MCF2: variants seen among roughly 807,000 people sequenced by gnomAD.
MCF2 encodes MCF.2 cell line derived transforming sequence.
MCF2 carries 44 observed loss-of-function variants against 82.5 expected under a neutral mutation model. That is an observed-to-expected ratio of 0.53 (90% confidence interval 0.42 to 0.69). The LOEUF (loss-of-function observed/expected upper bound fraction) is 0.69. MCF2 is among the 30% of genes least tolerant of loss of function. The pLI is 0.00. For synonymous variants in MCF2, 217 were observed against 224.9 expected, an observed-to-expected ratio of 0.96 and a Z score of 0.32; for missense variants, 623 against 663.1, an observed-to-expected ratio of 0.94 and a Z score of 0.66.
At chrX:139,622,245 G>A (rs1470864523) in intron 6 of MCF2, among the ~76,000 whole-genome samples, 1 of 111,654 alleles carries the variant, frequency 9.0e-6, no homozygotes, top group African/African-American at 3.3e-5. Context: ...TGCTGGAGAG[G>A]ATGTGGAGAA....
intron 17 of MCF2, among the ~76,000 whole-genome samples, chrX:139,598,125 A>G (rs1167473257): frequency 1.8e-5 from 2 of 111,956 alleles, no homozygotes; most frequent in Non-Finnish European, 3.8e-5. Context: ...TCTTACTAAT[A>G]TTTAAAGTTC....
At chrX:139,623,036 C>T (rs1405886803) in intron 6 of MCF2, among the ~76,000 whole-genome samples, 5 of 110,900 alleles carry the variant, frequency 4.5e-5, no homozygotes, top group Non-Finnish European at 9.4e-5. Context: ...AATGAGATAA[C>T]ATATCACATC....
At chrX:139,609,619 T>C (rs192160549) in intron 11 of MCF2, among the ~76,000 whole-genome samples, 33 of 110,979 alleles carry the variant, frequency 3.0e-4, no homozygotes, top group Non-Finnish European at 6.0e-4. Flanking sequence ...TCTTTACAGA[T>C]ATCAGATTAT....
chrX:139,643,879 G>A (rs931207713), upstream of MCF2, among the ~76,000 whole-genome samples: 1 of 111,775 alleles, frequency 8.9e-6, no homozygotes, highest in African/African-American at 3.2e-5. Flanking sequence ...TGCCAAACCA[G>A]TCACAAAATG....
exon 24 of MCF2, chrX:139,585,141 T>C: frequency 8.3e-7 from 1 of 1,203,767 alleles, no homozygotes; most frequent in Non-Finnish European, 1.1e-6. Flanking sequence ...CCGCAGGTTC[T>C]TCAGAGATTT....
intron 1 of MCF2, 41 bp from the exon 5 acceptor site, chrX:139,632,495 T>C: frequency 5.2e-6 from 6 of 1,144,183 alleles, no homozygotes; most frequent in Non-Finnish European, 7.1e-6. Context: ...AAAAAAATTG[T>C]CAACACACAC....
chrX:139,617,578 T>C, exon 8 of MCF2: 1 of 1,202,562 alleles, frequency 8.3e-7, no homozygotes, highest in Non-Finnish European at 1.1e-6. Flanking sequence ...TTTATCTCAT[T>C]AACCAAAATA....
chrX:139,610,947 A>G (rs1220691406), intron 10 of MCF2, among the ~76,000 whole-genome samples: 1 of 112,284 alleles, frequency 8.9e-6, no homozygotes, highest in Admixed American at 9.5e-5. Context: ...TAACCACCAT[A>G]TAAACATTTC....
exon 3 of MCF2, chrX:139,631,481 G>T (rs1159424636): frequency 8.3e-7 from 1 of 1,202,037 alleles, no homozygotes; most frequent in Admixed American, 2.2e-5. Context: ...ATGTATGTCA[G>T]CAAATCACTA....
rs371299468 is a variant in MCF2, at chrX:139,585,107, G to A, written c.2704C>T (p.Pro902Ser). ...TCTTCTTCATTTTCATCATAAGTAG[G>A]GTAGAAATAGTTGCTTGACCATTCC... The change falls in exon 24 of 25, where the codon CCT (proline) becomes TCT (serine). Residue 902 changes from proline to serine, a missense_variant. Pro to Ser is a moderately conservative substitution (Grantham distance 74). Coordinates refer to ENST00000370576, the Ensembl canonical transcript of MCF2. The A allele has an allele frequency of 4.2e-6, 5 of 1,201,894 alleles. No individual in the cohort carries two copies. In the African/African-American group the frequency reaches 8.8e-5, roughly 21 times the overall value.
intron 1 of MCF2, among the ~76,000 whole-genome samples, chrX:139,689,668 G>C (rs1204846258): frequency 9.4e-6 from 1 of 106,737 alleles, no homozygotes; most frequent in Non-Finnish European, 1.9e-5. Flanking sequence ...TCCTTGCCTG[G>C]AATACCATTC....
chrX:139,663,068 T>C (rs1934400284), intron 1 of MCF2, among the ~76,000 whole-genome samples: 1 of 112,494 alleles, frequency 8.9e-6, no homozygotes, highest in Non-Finnish European at 1.9e-5. Flanking sequence ...GTTGATTCCA[T>C]ATTTTTCTAT....
intron 23 of MCF2, among the ~76,000 whole-genome samples, chrX:139,585,639 G>A (rs1041143485): frequency 2.7e-5 from 3 of 111,950 alleles, no homozygotes; most frequent in African/African-American, 6.5e-5. Flanking sequence ...TGATCCTAGA[G>A]TTGTTTAGGT....
chrX:139,589,950 T>G, intron 19 of MCF2, 23 bp from the exon 24 acceptor site: 1 of 923,629 alleles, frequency 1.1e-6, no homozygotes, highest in Non-Finnish European at 1.5e-6. Flanking sequence ...AGTCAAAATT[T>G]TCATGAGCAT....
intron 1 of MCF2, among the ~76,000 whole-genome samples, chrX:139,635,677 T>C (rs1225302165): frequency 9.0e-6 from 1 of 111,521 alleles, no homozygotes; most frequent in Non-Finnish European, 1.9e-5. Flanking sequence ...ATATATATGT[T>C]TTCCAGTTAT....
intron 1 of MCF2, among the ~76,000 whole-genome samples, chrX:139,636,200 T>C (rs1251255316): frequency 1.8e-5 from 2 of 111,015 alleles, no homozygotes; most frequent in Admixed American, 9.6e-5. Context: ...GTGGGAACTT[T>C]TGGCCTATTT....
chrX:139,695,485 A>G (rs753223772), intron 1 of MCF2, among the ~76,000 whole-genome samples: 2 of 112,330 alleles, frequency 1.8e-5, no homozygotes, highest in South Asian at 3.7e-4. Flanking sequence ...AATATGTAGT[A>G]TAATTTCAAC....
intron 19 of MCF2, among the ~76,000 whole-genome samples, chrX:139,594,657 T>C (rs1287946930): frequency 3.6e-5 from 4 of 110,535 alleles, no homozygotes; most frequent in Non-Finnish European, 7.6e-5. Flanking sequence ...ATTCAGGACA[T>C]AGGCATGGGC....
At chrX:139,598,382 C>A (rs781760872) in intron 17 of MCF2, 24 bp downstream of exon 21, 2 of 1,016,830 alleles carry the variant, frequency 2.0e-6, no homozygotes, top group East Asian at 3.1e-5. Context: ...AGTAAAGAAA[C>A]AAACAAATGC....
Sources: allele counts gnomAD v4.1 joint callset (sites outside exome capture counted in the v4.1 genomes callset), GRCh38; gene constraint gnomAD v4.1.1; transcripts MANE v1.5; gene names NCBI Gene and HGNC (gene_info 2026-07-23, HGNC 2026-07-21).